Variants in TCF4 observed in about 807,000 individuals in gnomAD.
The protein encoded by TCF4 is SL3-3 enhancer factor 2.
In TCF4, 3 loss-of-function variants were observed where a neutral mutation model predicts 82.1. The ratio of observed to expected loss-of-function variants is 0.04; its 90% CI spans 0.02 to 0.09. TCF4 has a LOEUF of 0.09. TCF4 is among the 10% of genes least tolerant of loss of function. The pLI is 1.00. For missense variants in TCF4, 518 were observed against 852.7 expected, an observed-to-expected ratio of 0.61 and a Z score of 4.89; for synonymous variants, 276 against 309.6, an observed-to-expected ratio of 0.89 and a Z score of 1.14.
At chr18:55,558,114 C>T (rs925825715) in intron 3 of TCF4, among the ~76,000 whole-genome samples, 19 of 151,740 alleles carry the variant, frequency 1.3e-4, no homozygotes, top group Admixed American at 5.3e-4. Flanking sequence ...CAGCAGGCGG[C>T]GGTAGGAGGA....
chr18:55,576,889 T>C (rs1256856522), intron 3 of TCF4, among the ~76,000 whole-genome samples: 6 of 151,588 alleles, frequency 4.0e-5, no homozygotes, highest in Non-Finnish European at 7.4e-5. Flanking sequence ...TCAACTATCG[T>C]TAGTGTATTT....
intron 2 of TCF4, among the ~76,000 whole-genome samples, chr18:55,594,598 G>A (rs1307287046): frequency 6.6e-6 from 1 of 152,136 alleles, no homozygotes; most frequent in Non-Finnish European, 1.5e-5. Context: ...TTCATTGTTA[G>A]TAAATGTTGC....
intron 3 of TCF4, among the ~76,000 whole-genome samples, chr18:55,534,133 G>A (rs1169479464): frequency 6.6e-6 from 1 of 152,128 alleles, no homozygotes; most frequent in African/African-American, 2.4e-5. Flanking sequence ...AAATATTTTT[G>A]ATAATTTTGT....
intron 10 of TCF4, among the ~76,000 whole-genome samples, chr18:55,271,975 A>G (rs1238828655): frequency 6.6e-6 from 1 of 152,128 alleles, no homozygotes. Context: ...TCTGCCTGAA[A>G]TGTGCAAAAA....
chr18:55,580,568 G>A (rs1256316512), intron 3 of TCF4, among the ~76,000 whole-genome samples: 1 of 152,010 alleles, frequency 6.6e-6, no homozygotes, highest in Non-Finnish European at 1.5e-5. Context: ...TAAATTGGAA[G>A]GGTAGTTTAT....
chr18:55,237,981 G>C (rs2050046568), intron 15 of TCF4, among the ~76,000 whole-genome samples: 1 of 152,164 alleles, frequency 6.6e-6, no homozygotes, highest in African/African-American at 2.4e-5. Context: ...TATATACAAG[G>C]GTCAGGGATT....
chr18:55,331,461 T>G (rs1251909695), intron 8 of TCF4, among the ~76,000 whole-genome samples: 2 of 152,224 alleles, frequency 1.3e-5, no homozygotes, highest in Non-Finnish European at 2.9e-5. Context: ...GCTCCAACAA[T>G]ATAATCTGCA....
At chr18:55,601,128 T>G (rs1285488090) in intron 2 of TCF4, among the ~76,000 whole-genome samples, 1 of 152,088 alleles carries the variant, frequency 6.6e-6, no homozygotes, top group Non-Finnish European at 1.5e-5. Flanking sequence ...CGTTACACAC[T>G]CAAAAGAAAT....
At chr18:55,391,363 ATTTTT>A (rs2093074262) in intron 6 of TCF4, among the ~76,000 whole-genome samples, 1 of 151,858 alleles carries the variant, frequency 6.6e-6, no homozygotes. Flanking sequence ...TAATATATAT[ATTTTT>A]TAATTTTCAA....
At chr18:55,568,114 T>G (rs1471257196) in intron 3 of TCF4, among the ~76,000 whole-genome samples, 2 of 151,210 alleles carry the variant, frequency 1.3e-5, no homozygotes, top group African/African-American at 2.4e-5. Flanking sequence ...AATTCTTATA[T>G]TATAAAAAGA....
At chr18:55,366,868 C>T (rs923030084) in intron 6 of TCF4, among the ~76,000 whole-genome samples, 1 of 152,168 alleles carries the variant, frequency 6.6e-6, no homozygotes, top group Non-Finnish European at 1.5e-5. Flanking sequence ...CATGCTTATA[C>T]ACAAATTTCC....
At chr18:55,258,230 ACTTTT>A (rs1487095304) in intron 13 of TCF4, among the ~76,000 whole-genome samples, 2 of 152,172 alleles carry the variant, frequency 1.3e-5, no homozygotes, top group African/African-American at 2.4e-5. Flanking sequence ...TTGTTCAATT[ACTTTT>A]CTTGACAGAA....
chr18:55,227,429 C>T lies in TCF4; in HGVS notation c.*606G>A, dbSNP rs1458336847. ...ATATTTGTCATAGGTCTATAAGATC[C>T]ATCTGTTCCTCCTACCCTAAGGAAT... On this transcript the variant is annotated 3_prime_UTR_variant, in exon 20 of 20. Transcript: ENST00000354452. The T allele has an allele frequency of 6.7e-6, 1 of 150,320 alleles. No individual in the cohort carries two copies. Among genetic ancestry groups the T allele is most frequent in the Non-Finnish European group, 1.5e-5 (1 of 67,570 alleles). 9.3% of individuals were successfully genotyped at this position (150,320 alleles called of 1,614,324 possible).
chr18:55,579,469 TAAAG>T (rs2097557327), intron 3 of TCF4, among the ~76,000 whole-genome samples: 1 of 150,980 alleles, frequency 6.6e-6, no homozygotes, highest in Non-Finnish European at 1.5e-5. Context: ...AAAAAAATAA[TAAAG>T]AAAGGGCAGA....
chr18:55,627,850 G>T (rs529740152), intron 2 of TCF4, among the ~76,000 whole-genome samples: 49 of 152,192 alleles, frequency 3.2e-4, no homozygotes, highest in African/African-American at 1.1e-3. Context: ...CACGAGGTTA[G>T]GAGATCGATA....
At chr18:55,621,618 T>TAA (rs2097719474) in intron 2 of TCF4, among the ~76,000 whole-genome samples, 6 of 31,484 alleles carry the variant, frequency 1.9e-4, no homozygotes, top group Non-Finnish European at 2.3e-4. Context: ...TTATATAATA[T>TAA]TATATATAAT....
chr18:55,399,779 G>A (rs1439516373), intron 6 of TCF4, among the ~76,000 whole-genome samples: 1 of 151,044 alleles, frequency 6.6e-6, no homozygotes, highest in African/African-American at 2.4e-5. Context: ...AAAAGCACAG[G>A]CCCAGCTCAC....
Position 55,229,085 on chromosome 18 carries a change from C to T in TCF4, c.1650-9G>A. On this transcript the variant is annotated splice_polypyrimidine_tract_variant and intron_variant, in intron 17 of 19. Transcript: ENST00000354452. The stretch of plus-strand genomic sequence containing the variant: ...CCTCATCGTCATTATTGCTGTGGGA[C>T]AAAAGGGATGCAACATTTTCTAATG... 2 of 1,613,638 alleles carry T rather than the reference C, an allele frequency of 1.2e-6. No individual in the cohort carries two copies. Among genetic ancestry groups the T allele is most frequent in the Non-Finnish European group, 1.7e-6 (2 of 1,179,792 alleles).
At chr18:55,519,287 A>G (rs1445906718) in intron 3 of TCF4, among the ~76,000 whole-genome samples, 3 of 152,022 alleles carry the variant, frequency 2.0e-5, no homozygotes, top group African/African-American at 7.2e-5. Flanking sequence ...TACAAAAATT[A>G]GCCATGCATG....
Sources: gnomAD v4.1 joint callset for allele counts (sites outside exome capture counted in the v4.1 genomes callset) on GRCh38, gnomAD v4.1.1 for gene constraint, MANE v1.5 for transcripts, NCBI Gene and HGNC (gene_info 2026-07-23, HGNC 2026-07-21) for gene names.